The following PPM1L variants were observed in gnomAD, a reference collection of about 807,000 sequenced individuals.
PPM1L encodes protein phosphatase, Mg2+/Mn2+ dependent 1L.
In PPM1L, 13 loss-of-function variants were observed where a neutral mutation model predicts 31.4. The ratio of observed to expected loss-of-function variants is 0.41; its 90% CI spans 0.27 to 0.66. PPM1L has a LOEUF of 0.66. Among genes scored for constraint, PPM1L ranks in the 30% least tolerant of loss-of-function variants. The pLI is 0.29. For missense variants in PPM1L, 326 were observed against 453.7 expected (o/e 0.72, Z 2.56); for synonymous variants, 184 against 175.4 (o/e 1.05, Z -0.39).
In PPM1L at chr3:160,775,173, T is replaced by C. The variant is rs576641658; in HGVS notation, c.399+18466T>C. 3.3e-5 allele frequency among the ~76,000 whole-genome samples: 5 copies of C among 152,348 alleles called. No individual in the cohort carries two copies. The South Asian group carries it at 8.3e-4, about 25-fold the overall frequency. On this transcript the variant is annotated intron_variant, in intron 1 of 3. Transcript: ENST00000498165. ...GGGGAAACTGAAGCTCAGACTACTATGTGCCCAGGGTTATACAACGGCTAA... is the reference window on the plus strand; with the variant it reads ...GGGGAAACTGAAGCTCAGACTACTACGTGCCCAGGGTTATACAACGGCTAA...
intron 2 of PPM1L, among the ~76,000 whole-genome samples, chr3:161,053,949 A>T (rs1201362820): frequency 1.3e-5 from 2 of 151,460 alleles, no homozygotes; most frequent in Non-Finnish European, 2.9e-5. Context: ...GAAAATTTTA[A>T]TTTGTAATGG....
chr3:160,922,265 A>C lies in PPM1L; in HGVS notation c.400-39471A>C, dbSNP rs375334407. Among the ~76,000 whole-genome samples the C allele has an allele frequency of 5.3e-5, 8 of 151,822 alleles. No homozygotes were observed. In the South Asian group the frequency reaches 6.3e-4, roughly 12 times the overall value. ...GTGGAGCTTGCAGTGAGCCGAGATC[A>C]CACCACTGCACTCCAGCCTGGGTGA... On this transcript the variant is annotated intron_variant, in intron 1 of 3. Coordinates refer to ENST00000498165, the MANE Select transcript of PPM1L (RefSeq NM_139245.4).
chr3:160,902,130 A>G (rs1456585962), intron 1 of PPM1L, among the ~76,000 whole-genome samples: 2 of 152,152 alleles, frequency 1.3e-5, no homozygotes, highest in Non-Finnish European at 2.9e-5. Context: ...ATACCTATCC[A>G]TTTGAAAAAT....
intron 2 of PPM1L, among the ~76,000 whole-genome samples, chr3:160,970,279 G>A (rs1032044718): frequency 1.3e-5 from 2 of 152,098 alleles, no homozygotes; most frequent in African/African-American, 2.4e-5. Flanking sequence ...TAAGGCTTTT[G>A]TAATGCAGAC....
intron 1 of PPM1L, among the ~76,000 whole-genome samples, chr3:160,953,160 A>G (rs1359987966): frequency 6.6e-6 from 1 of 152,186 alleles, no homozygotes; most frequent in Non-Finnish European, 1.5e-5. Context: ...ATCAGGACCA[A>G]CATTTACAAC....
At position 161,076,483 on chromosome 3, in the gene PPM1L, A is replaced by G. The variant is rs1335080177; in HGVS notation, c.*7326A>G. Reference sequence around the variant, plus strand: ...AATATGACCATGGAGAAAACCCATAACTTTTGCTTCTATTATAGAAAGCAG... The same window carrying G: ...AATATGACCATGGAGAAAACCCATAGCTTTTGCTTCTATTATAGAAAGCAG... On this transcript the variant is annotated 3_prime_UTR_variant, in exon 4 of 4. Coordinates refer to ENST00000498165, the MANE Select transcript of PPM1L (RefSeq NM_139245.4). 6.6e-6 allele frequency: 1 copy of G among 152,242 alleles called. No homozygotes were observed. Among genetic ancestry groups the G allele is most frequent in the African/African-American group, 2.4e-5 (1 of 41,466 alleles). 9.4% of individuals were successfully genotyped at this position (152,242 alleles called of 1,614,324 possible). A position where few individuals can be genotyped will look rare whatever the true frequency, so the allele number is the denominator to read the frequency against.
At chr3:160,893,523 T>G (rs535061047) in intron 1 of PPM1L, among the ~76,000 whole-genome samples, 1 of 152,274 alleles carries the variant, frequency 6.6e-6, no homozygotes, top group East Asian at 1.9e-4. Flanking sequence ...TGAAGGTGAA[T>G]GTGAATGAAA....
chr3:160,801,134 C>T (rs905247657), intron 1 of PPM1L, among the ~76,000 whole-genome samples: 1 of 133,884 alleles, frequency 7.5e-6, no homozygotes, highest in African/African-American at 3.1e-5. Context: ...GTGATACACA[C>T]ACACACACAC....
At chr3:160,822,947 G>T (rs922785613) in intron 1 of PPM1L, among the ~76,000 whole-genome samples, 3 of 151,420 alleles carry the variant, frequency 2.0e-5, no homozygotes, top group African/African-American at 7.3e-5. Context: ...GATCAAAAGG[G>T]GAAAACATAT....
At chr3:160,839,060 A>C (rs1286777347) in intron 1 of PPM1L, among the ~76,000 whole-genome samples, 3 of 152,194 alleles carry the variant, frequency 2.0e-5, no homozygotes, top group Non-Finnish European at 1.5e-5. Flanking sequence ...TCACCATGAG[A>C]TGCCCTCTGC....
intron 1 of PPM1L, among the ~76,000 whole-genome samples, chr3:160,886,186 C>T (rs1215180842): frequency 6.6e-6 from 1 of 152,214 alleles, no homozygotes; most frequent in Non-Finnish European, 1.5e-5. Flanking sequence ...GCCAGAGGCT[C>T]AGGGACAGAA....
At chr3:160,837,013 A>G (rs1469467109) in intron 1 of PPM1L, among the ~76,000 whole-genome samples, 1 of 152,160 alleles carries the variant, frequency 6.6e-6, no homozygotes, top group Non-Finnish European at 1.5e-5. Flanking sequence ...ACATTGAATT[A>G]TTTGAGTTCC....
At chr3:161,040,802 C>T (rs1048806882) in intron 2 of PPM1L, among the ~76,000 whole-genome samples, 10 of 152,100 alleles carry the variant, frequency 6.6e-5, no homozygotes, top group Admixed American at 2.0e-4. Context: ...TATATTGTGA[C>T]TTATTTTCCA....
chr3:160,841,040 G>A (rs1713863775), intron 1 of PPM1L, among the ~76,000 whole-genome samples: 2 of 152,144 alleles, frequency 1.3e-5, no homozygotes, highest in South Asian at 4.1e-4. Flanking sequence ...ACACCTAAAA[G>A]TAATCATTAC....
intron 2 of PPM1L, among the ~76,000 whole-genome samples, chr3:160,977,883 C>A (rs1368266846): frequency 6.6e-6 from 1 of 152,160 alleles, no homozygotes; most frequent in South Asian, 2.1e-4. Flanking sequence ...TCAGTGGAGA[C>A]AACTTCTCTT....
chr3:160,781,584 G>A (rs900042155), intron 1 of PPM1L, among the ~76,000 whole-genome samples: 1 of 152,182 alleles, frequency 6.6e-6, no homozygotes, highest in Admixed American at 6.5e-5. Flanking sequence ...AAGAAATCCT[G>A]TGGTGGAGGA....
chr3:161,046,439 A>C (rs1449458890), intron 2 of PPM1L, among the ~76,000 whole-genome samples: 2 of 152,186 alleles, frequency 1.3e-5, no homozygotes, highest in African/African-American at 4.8e-5. Context: ...AAATTGAGGC[A>C]ATAATTAATA....
intron 1 of PPM1L, among the ~76,000 whole-genome samples, chr3:160,841,727 T>G (rs1713886398): frequency 6.6e-6 from 1 of 152,182 alleles, no homozygotes; most frequent in Non-Finnish European, 1.5e-5. Flanking sequence ...AATAACTTTG[T>G]CTCCAGTAGT....
intron 1 of PPM1L, among the ~76,000 whole-genome samples, chr3:160,909,521 C>G (rs1226488077): frequency 1.3e-5 from 2 of 152,288 alleles, no homozygotes; most frequent in African/African-American, 4.8e-5. Context: ...TTGTCTAGAG[C>G]TCAGGAGTTG....
Sources: gnomAD v4.1 joint callset for allele counts (sites outside exome capture counted in the v4.1 genomes callset) on GRCh38, gnomAD v4.1.1 for gene constraint, MANE v1.5 for transcripts, NCBI Gene and HGNC (gene_info 2026-07-23, HGNC 2026-07-21) for gene names.